Variants in WDR20 observed in about 807,000 individuals in gnomAD.
The protein encoded by WDR20 is WD repeat domain 20.
WDR20 carries 3 observed loss-of-function variants against 38.7 expected under a neutral mutation model. That is an observed-to-expected ratio of 0.08 (90% CI 0.04 to 0.20). WDR20 has a LOEUF of 0.20. WDR20 is among the 10% of genes least tolerant of loss of function. The pLI is 1.00. For synonymous variants in WDR20, 298 were observed against 285.6 expected (o/e 1.04, Z -0.44); for missense variants, 559 against 727.7 (o/e 0.77, Z 2.67).
intron 1 of WDR20, among the ~76,000 whole-genome samples, chr14:102,179,324 A>G (rs2062862000): frequency 6.6e-6 from 1 of 151,820 alleles, no homozygotes; most frequent in Non-Finnish European, 1.5e-5. Flanking sequence ...TAGAGCCATC[A>G]TATGTGCTAC....
Position 102,194,934 on chromosome 14 carries a change from C to T in WDR20, c.250-4C>T. On this transcript the variant is annotated splice_region_variant and splice_polypyrimidine_tract_variant and intron_variant, in intron 1 of 2. Transcript: ENST00000342702. ...CTGTATGTATTTTTCTCTTTCTCCTCCAGGCTGCTGACTTGAGTAAACCAA... is the reference window on the plus strand; with the variant it reads ...CTGTATGTATTTTTCTCTTTCTCCTTCAGGCTGCTGACTTGAGTAAACCAA... 6.2e-7 allele frequency: 1 copy of T among 1,613,472 alleles called. No individual in the cohort carries two copies. Among genetic ancestry groups the T allele is most frequent in the Non-Finnish European group, 8.5e-7 (1 of 1,179,718 alleles).
chr14:102,208,621 C>A lies in WDR20; in HGVS notation c.451C>A (p.Arg151=), dbSNP rs2061993576. The change falls in exon 3 of 3, where the codon CGA becomes AGA. Residue 151 remains arginine (R), a synonymous_variant. Coordinates refer to ENST00000342702, the MANE Select transcript of WDR20 (RefSeq NM_144574.4). This position sits in a 1 kb window ranked among gnomAD's most constrained non-coding sequence, Gnocchi z 5.6. ...TTCACAGAGACTAATAGACAAGTCA[C>A]GAGTTACCTGTGTCAAATGGGTTCC... is the stretch of plus-strand genomic sequence containing the variant. ...FNEERLIDKS[R]VTCVKWVPGS... is the part of the protein sequence containing the mutation. 6.2e-7 allele frequency: 1 copy of A among 1,608,614 alleles called. No homozygotes were observed. Among genetic ancestry groups the A allele is most frequent in the Non-Finnish European group, 8.5e-7 (1 of 1,175,590 alleles).
intron 1 of WDR20, among the ~76,000 whole-genome samples, chr14:102,175,057 T>G (rs1297773118): frequency 6.6e-6 from 1 of 152,238 alleles, no homozygotes; most frequent in Non-Finnish European, 1.5e-5. Context: ...AGTTTTTTCA[T>G]TTAATTAAGT....
chr14:102,189,850 C>G (rs1209580989), intron 1 of WDR20, among the ~76,000 whole-genome samples: 1 of 152,100 alleles, frequency 6.6e-6, no homozygotes, highest in Admixed American at 6.5e-5. Flanking sequence ...ATTCTGAAAT[C>G]ATATAAGTGA....
At chr14:102,223,027 T>C in exon 4 of WDR20, 2 of 943,050 alleles carry the variant, frequency 2.1e-6, no homozygotes, top group Non-Finnish European at 3.3e-6. Flanking sequence ...GGTGACCGGC[T>C]CACTCTGCGG....
chr14:102,191,973 A>G (rs1044605792), intron 1 of WDR20, among the ~76,000 whole-genome samples: 1 of 152,234 alleles, frequency 6.6e-6, no homozygotes, highest in Admixed American at 6.5e-5. Context: ...CTAACTTTTT[A>G]TCATTACATT....
rs975081696 is a variant in WDR20, at chr14:102,221,508, C to T, written c.1693-1322C>T. ...ATGTGTTTGAGCCAGAAGTATGGGGCGTTTGCGGGGTCCTCCACAAGTACA... is the reference window on the plus strand; with the variant it reads ...ATGTGTTTGAGCCAGAAGTATGGGGTGTTTGCGGGGTCCTCCACAAGTACA... On this transcript the variant is annotated intron_variant, in intron 3 of 3. Coordinates refer to the WDR20 transcript ENST00000335263. The surrounding 1 kb of genome is among the most constrained non-coding windows in gnomAD (Gnocchi z 4.8). Among the ~76,000 whole-genome samples, 5 of 152,174 alleles carry T rather than the reference C, an allele frequency of 3.3e-5. No homozygotes were observed. The highest frequency in any genetic ancestry group is 9.7e-5 in the African/African-American group (4 of 41,432).
intron 1 of WDR20, among the ~76,000 whole-genome samples, chr14:102,169,811 A>G (rs757564029): frequency 4.6e-5 from 7 of 152,160 alleles, no homozygotes; most frequent in Non-Finnish European, 1.0e-4. Context: ...TACAGGAGTG[A>G]GCCACCGCGC....
At chr14:102,215,128 C>A, downstream of WDR20, 2 of 396,320 alleles carry the variant, frequency 5.0e-6, no homozygotes, top group Non-Finnish European at 6.8e-6. Context: ...GAACAGCCAG[C>A]CACCGGAATT....
At chr14:102,160,925 G>C (rs2058489970) in intron 1 of WDR20, among the ~76,000 whole-genome samples, 1 of 126,706 alleles carries the variant, frequency 7.9e-6, no homozygotes, top group Non-Finnish European at 1.6e-5. Flanking sequence ...TCCAGCCTGG[G>C]TGACAGGGCA....
exon 4 of WDR20, chr14:102,223,150 A>C: frequency 7.1e-6 from 2 of 281,112 alleles, no homozygotes; most frequent in Non-Finnish European, 1.3e-5. Flanking sequence ...CTAAAATTCA[A>C]TGTAATTAAA....
At chr14:102,173,433 AATTATTATTATTATT>A (rs59078063) in intron 1 of WDR20, among the ~76,000 whole-genome samples, 90,106 of 138,676 alleles carry the variant, frequency 0.65, 31,811 homozygotes, top group East Asian at 0.85. Flanking sequence ...CTTTTTTTAA[AATTATTATTATTATT>A]ATTATTATTA....
chr14:102,176,557 G>A lies in WDR20; in HGVS notation c.250-18381G>A, dbSNP rs868355905. Reference sequence around the variant, plus strand: ...ACTAAAAACGCAAAAATTCGTGCCCGGCTGAGGATTTTTACATCTCCGTTC... The same window carrying A: ...ACTAAAAACGCAAAAATTCGTGCCCAGCTGAGGATTTTTACATCTCCGTTC... On this transcript the variant is annotated intron_variant, in intron 1 of 2. Coordinates refer to ENST00000342702, the MANE Select transcript of WDR20 (RefSeq NM_144574.4). Among the ~76,000 whole-genome samples, 5 of 152,254 alleles carry A rather than the reference G, an allele frequency of 3.3e-5. No individual in the cohort carries two copies. The Middle Eastern group carries it at 0.01, about 311-fold the overall frequency.
chr14:102,222,284 G>A lies in WDR20; in HGVS notation c.1693-546G>A. 6.6e-6 allele frequency among the ~76,000 whole-genome samples: 1 copy of A among 152,206 alleles called. No individual in the cohort carries two copies. The highest frequency in any genetic ancestry group is 1.9e-4 in the East Asian group (1 of 5,196). On this transcript the variant is annotated intron_variant, in intron 3 of 3. Transcript: ENST00000335263. This position sits in a 1 kb window ranked among gnomAD's most constrained non-coding sequence, Gnocchi z 4.4. ...GGGCCCTGCTGTCTCTACCTGTGGG[G>A]CCTACACATGTGGACAGCTACAGCC...
At chr14:102,224,796 T>TAGAA (rs1301793738), downstream of WDR20, 1 of 455,906 alleles carries the variant, frequency 2.2e-6, no homozygotes, top group African/African-American at 2.0e-5. Context: ...GTGAGTCTTC[T>TAGAA]AGAAAGAGAA....
intron 1 of WDR20, among the ~76,000 whole-genome samples, chr14:102,153,962 G>T (rs938537118): frequency 3.9e-5 from 6 of 152,210 alleles, no homozygotes; most frequent in African/African-American, 1.4e-4. Flanking sequence ...GAAGCAGGAG[G>T]ATTGCTTGAG....
intron 1 of WDR20, among the ~76,000 whole-genome samples, chr14:102,144,208 C>T (rs893667150): frequency 2.1e-4 from 32 of 151,816 alleles, no homozygotes; most frequent in African/African-American, 6.3e-4. Flanking sequence ...TGGGGCTATG[C>T]GCCATGGCTC....
At chr14:102,223,327 CTG>C (rs2064117638) in exon 4 of WDR20, 1 of 152,586 alleles carries the variant, frequency 6.6e-6, no homozygotes, top group Non-Finnish European at 1.5e-5. Flanking sequence ...ATAGAGAAAA[CTG>C]TTACTTTCTG....
At position 102,202,712 on chromosome 14, in the gene WDR20, T is replaced by A. The variant is rs999745657; in HGVS notation, c.433-5891T>A. 1.3e-5 allele frequency among the ~76,000 whole-genome samples: 2 copies of A among 152,044 alleles called. 1 individual carries two copies. Among genetic ancestry groups the A allele is most frequent in the Middle Eastern group, 6.8e-3 (2 of 294 alleles). ...AGGTTTTTTTCAGAGTTTCACACAC[T>A]CTTCCTCCGCTGCACCTGCTTCCTT... is the stretch of plus-strand genomic sequence containing the variant. On this transcript the variant is annotated intron_variant, in intron 2 of 2. Transcript: ENST00000342702.
Sources: gnomAD v4.1 joint callset for allele counts (sites outside exome capture counted in the v4.1 genomes callset) on GRCh38, gnomAD v4.1.1 for gene constraint, Gnocchi (gnomAD v3.1) non-coding constraint, MANE v1.5 for transcripts, NCBI Gene and HGNC (gene_info 2026-07-23, HGNC 2026-07-21) for gene names.